Variants in CAST observed in about 807,000 individuals in gnomAD.
The protein encoded by CAST is MIR583 host.
Under a neutral mutation model 119.6 loss-of-function variants are expected in CAST, and 76 were observed. That is an observed-to-expected ratio of 0.64 (90% CI 0.53 to 0.77). The LOEUF (loss-of-function observed/expected upper bound fraction) is 0.77. Ranked by LOEUF, CAST falls within the 30% of genes least tolerant of loss-of-function variation. CAST has a pLI of 0.00. For synonymous variants in CAST, 319 were observed against 331.6 expected (o/e 0.96, Z 0.41); for missense variants, 953 against 946.5 (o/e 1.01, Z -0.09).
intron 22 of CAST, 183 bp downstream of exon 22, chr5:96,754,924 A>C: frequency 2.3e-6 from 1 of 429,102 alleles, no homozygotes; most frequent in Non-Finnish European, 4.2e-6. Flanking sequence ...AAATATTCCT[A>C]AGTAGACTTG....
the CAST span, among the ~76,000 whole-genome samples, chr5:96,427,188 A>C: frequency 1.3e-5 from 2 of 152,208 alleles, no homozygotes; most frequent in Non-Finnish European, 2.9e-5. Context: ...ATCAAAAAAG[A>C]GCAATAAAAT....
chr5:96,642,337 A>G (rs537355198), intron 1 of CAST, among the ~76,000 whole-genome samples: 10 of 152,318 alleles, frequency 6.6e-5, no homozygotes, highest in Non-Finnish European at 1.3e-4. Context: ...ATGGATAAGG[A>G]CACATTATTG....
At chr5:96,043,818 G>T in the CAST span, among the ~76,000 whole-genome samples, 4 of 152,154 alleles carry the variant, frequency 2.6e-5, no homozygotes, top group African/African-American at 7.2e-5. Context: ...ACCTTTAGGG[G>T]CTGAGGCTGG....
Position 96,646,722 on chromosome 5 carries a change from A to T in CAST, c.61-28817A>T, listed in dbSNP as rs189836956. Among the ~76,000 whole-genome samples the T allele has an allele frequency of 1.8e-4, 27 of 152,326 alleles. 1 individual carries two copies. The East Asian group carries it at 5.2e-3, about 29-fold the overall frequency. On this transcript the variant is annotated intron_variant, in intron 1 of 11. Transcript: ENST00000505143. ...CTCTCATCATCGATTGATTTTTATT[A>T]TTCAACTTATTTGTTTTAAACACAG...
At chr5:96,727,415 G>A (rs2150426322) in intron 5 of CAST, 74 bp from the exon 6 acceptor site, 1 of 746,996 alleles carries the variant, frequency 1.3e-6, no homozygotes, top group South Asian at 1.9e-5. Context: ...AAGAAAATCT[G>A]TGATAGTCTT....
At chr5:96,485,879 G>A in the CAST span, among the ~76,000 whole-genome samples, 1 of 152,060 alleles carries the variant, frequency 6.6e-6, no homozygotes, top group East Asian at 1.9e-4. Context: ...ATTACTGGGG[G>A]TGTACAAAGA....
chr5:96,547,367 G>T (rs553047611), intron 1 of CAST, among the ~76,000 whole-genome samples: 102 of 152,286 alleles, frequency 6.7e-4, no homozygotes, highest in African/African-American at 2.3e-3. Context: ...GAAGGAAGGA[G>T]GGTGCCACTT....
the CAST span, among the ~76,000 whole-genome samples, chr5:96,292,884 T>C: frequency 6.6e-6 from 1 of 152,210 alleles, no homozygotes; most frequent in East Asian, 1.9e-4. Flanking sequence ...CATGAAACAA[T>C]AAATTCCCTT....
At chr5:96,594,388 A>G (rs1747017404) in intron 1 of CAST, among the ~76,000 whole-genome samples, 1 of 152,236 alleles carries the variant, frequency 6.6e-6, no homozygotes, top group South Asian at 2.1e-4. Context: ...ACAGAAAAAC[A>G]GTCGAGTTAG....
At chr5:96,494,641 C>G in the CAST span, among the ~76,000 whole-genome samples, 2 of 152,026 alleles carry the variant, frequency 1.3e-5, no homozygotes, top group Non-Finnish European at 2.9e-5. Flanking sequence ...TCAAGGTGGC[C>G]CAATAGAAGA....
At chr5:96,387,918 C>A in the CAST span, among the ~76,000 whole-genome samples, 1 of 152,162 alleles carries the variant, frequency 6.6e-6, no homozygotes, top group Non-Finnish European at 1.5e-5. Context: ...ATCATGACAA[C>A]CCTGCAGGAA....
chr5:95,974,807 G>A, the CAST span, among the ~76,000 whole-genome samples: 2 of 152,144 alleles, frequency 1.3e-5, no homozygotes, highest in Admixed American at 6.5e-5. Flanking sequence ...AGGACAAGCT[G>A]TTGTAAATAT....
At chr5:96,230,465 T>G in the CAST span, among the ~76,000 whole-genome samples, 4 of 152,170 alleles carry the variant, frequency 2.6e-5, no homozygotes, top group African/African-American at 9.7e-5. Flanking sequence ...TCCCCCTTGA[T>G]AGCTCTCTGA....
the CAST span, among the ~76,000 whole-genome samples, chr5:96,273,816 G>T: frequency 3.9e-4 from 60 of 152,176 alleles, no homozygotes; most frequent in Middle Eastern, 3.4e-3. Flanking sequence ...GATTGCTCGA[G>T]TATCTCCTGG....
intron 1 of CAST, among the ~76,000 whole-genome samples, chr5:96,550,021 A>G (rs1172616658): frequency 6.6e-6 from 1 of 152,208 alleles, no homozygotes; most frequent in Non-Finnish European, 1.5e-5. Context: ...CCAGACTTAA[A>G]CGTCCCTGCC....
chr5:96,566,338 T>C (rs1454898607), intron 1 of CAST, among the ~76,000 whole-genome samples: 2 of 152,178 alleles, frequency 1.3e-5, no homozygotes, highest in Non-Finnish European at 1.5e-5. Context: ...TCCCTTCTTT[T>C]CCAAATTAAG....
At chr5:96,239,456 T>G in the CAST span, among the ~76,000 whole-genome samples, 2 of 152,084 alleles carry the variant, frequency 1.3e-5, no homozygotes, top group African/African-American at 4.8e-5. Context: ...GAGGCTTTTT[T>G]GGGGGGAGTA....
chr5:96,431,526 T>C, the CAST span, among the ~76,000 whole-genome samples: 1 of 152,202 alleles, frequency 6.6e-6, no homozygotes, highest in Non-Finnish European at 1.5e-5. Context: ...CTTGAGAGCG[T>C]TTCTTTCCCT....
the CAST span, among the ~76,000 whole-genome samples, chr5:96,503,795 C>G: frequency 6.6e-6 from 1 of 152,230 alleles, no homozygotes; most frequent in Non-Finnish European, 1.5e-5. Context: ...TCCCACCTTT[C>G]CAACACCTCC....
Sources: gnomAD v4.1 joint callset for allele counts (sites outside exome capture counted in the v4.1 genomes callset) on GRCh38, gnomAD v4.1.1 for gene constraint, MANE v1.5 for transcripts, NCBI Gene and HGNC (gene_info 2026-07-23, HGNC 2026-07-21) for gene names.